The following CAGE1 variants were observed in gnomAD, a reference collection of about 807,000 sequenced individuals.
The protein encoded by CAGE1 is cancer antigen 1.
A neutral mutation model predicts 94.9 loss-of-function variants in CAGE1; 66 were observed. That is an observed-to-expected ratio of 0.70 (90% CI 0.57 to 0.85). CAGE1 has a LOEUF of 0.85. Ranked by LOEUF, CAGE1 falls within the 40% of genes least tolerant of loss-of-function variation. The probability of loss-of-function intolerance (pLI) is 0.00; values close to 1 mark genes in which losing one functional copy is unlikely to be tolerated. For synonymous variants in CAGE1, 319 were observed against 321.0 expected, an observed-to-expected ratio of 0.99 and a Z score of 0.07; for missense variants, 865 against 950.4, an observed-to-expected ratio of 0.91 and a Z score of 1.18.
At chr6:7,366,176 G>A (rs1397941584) in intron 7 of CAGE1, among the ~76,000 whole-genome samples, 1 of 151,342 alleles carries the variant, frequency 6.6e-6, no homozygotes, top group East Asian at 1.9e-4. Flanking sequence ...AACCTGGGAG[G>A]CGGAGGTTGC....
intron 11 of CAGE1, among the ~76,000 whole-genome samples, chr6:7,353,334 A>G (rs1337439778): frequency 4.6e-5 from 7 of 152,176 alleles, no homozygotes; most frequent in Admixed American, 6.5e-5. Context: ...CAAAACTACA[A>G]TGCGATACCA....
At position 7,379,789 on chromosome 6, in the gene CAGE1, A is replaced by C. The variant is rs1760871426; in HGVS notation, c.284-769T>G. On this transcript the variant is annotated intron_variant, in intron 3 of 13. Coordinates refer to ENST00000502583, the MANE Select transcript of CAGE1 (RefSeq NM_001170692.2). ...TCAACATAATCTTGCCAAAGAATAA[A>C]GTTCCCAGATTTCCTCATTTTGTGA... is the stretch of plus-strand genomic sequence containing the variant. 2.6e-5 allele frequency among the ~76,000 whole-genome samples: 4 copies of C among 152,204 alleles called. No homozygotes were observed. The South Asian group carries it at 8.3e-4, about 31-fold the overall frequency.
intron 11 of CAGE1, among the ~76,000 whole-genome samples, chr6:7,344,215 G>T (rs1759312306): frequency 6.6e-6 from 1 of 152,224 alleles, no homozygotes; most frequent in East Asian, 1.9e-4. Flanking sequence ...GGGAGGTGTA[G>T]AGGGAGAGGC....
Position 7,373,991 on chromosome 6 carries a change from C to G in CAGE1, c.828G>C (p.Arg276Ser). 2.5e-6 allele frequency: 4 copies of G among 1,614,056 alleles called. No individual in the cohort carries two copies. The highest frequency in any genetic ancestry group is 3.4e-6 in the Non-Finnish European group (4 of 1,179,894). The stretch of plus-strand genomic sequence containing the variant: ...CACAGTTCTCCCGACATGCTTCACT[C>G]CTCCAGGAAATGCCTGCCGAAGACC... ...STWSSAGISW[R>S]SEACRENCEM... The change falls in exon 5 of 14, where the codon AGG becomes AGC. Residue 276 changes from arginine to serine, a missense_variant. Arg to Ser is a moderately radical substitution (Grantham distance 110). Transcript: ENST00000502583.
At chr6:7,327,051 A>G (rs1258870155) in intron 13 of CAGE1, among the ~76,000 whole-genome samples, 152 bp from the exon 14 acceptor site, 3 of 152,034 alleles carry the variant, frequency 2.0e-5, no homozygotes, top group African/African-American at 7.2e-5. Flanking sequence ...TACCAACACT[A>G]TATTTTGTTT....
rs1430604843 is a variant in CAGE1, at chr6:7,362,743, A to G, written c.2193+2725T>C. ...ACATTCTGCACTACCAAAAAATAAA[A>G]ACAAAATCCTTTTTATCTTGAAAAT... On this transcript the variant is annotated intron_variant, in intron 9 of 13. Coordinates refer to ENST00000502583, the MANE Select transcript of CAGE1 (RefSeq NM_001170692.2). This position sits in a 1 kb window ranked among gnomAD's most constrained non-coding sequence, Gnocchi z 4.1. Among the ~76,000 whole-genome samples the G allele has an allele frequency of 6.6e-6, 1 of 152,190 alleles. No homozygotes were observed. Among genetic ancestry groups the G allele is most frequent in the Non-Finnish European group, 1.5e-5 (1 of 68,030 alleles).
chr6:7,386,884 T>C (rs1761140386), intron 2 of CAGE1, 95 bp downstream of exon 2: 2 of 862,758 alleles, frequency 2.3e-6, no homozygotes, highest in African/African-American at 3.4e-5. Context: ...AATATTGTTT[T>C]ATTGTTCCTT....
chr6:7,342,571 A>AATC (rs994173270), intron 11 of CAGE1, among the ~76,000 whole-genome samples: 11 of 152,120 alleles, frequency 7.2e-5, no homozygotes, highest in Non-Finnish European at 1.6e-4. Context: ...GTTTTCACTT[A>AATC]TCTTCTCTCC....
intron 11 of CAGE1, among the ~76,000 whole-genome samples, chr6:7,345,967 G>A (rs527742208): frequency 6.6e-6 from 1 of 152,108 alleles, no homozygotes; most frequent in East Asian, 1.9e-4. Flanking sequence ...TGCATTTGAA[G>A]AACAATACCT....
At chr6:7,355,922 T>G in intron 10 of CAGE1, 103 bp downstream of exon 10, 1 of 642,854 alleles carries the variant, frequency 1.6e-6, no homozygotes, top group Non-Finnish European at 2.7e-6. Flanking sequence ...GAGGCTTGCT[T>G]GAGCCCAGGG....
chr6:7,345,392 G>A (rs1759435335), intron 11 of CAGE1, among the ~76,000 whole-genome samples: 6 of 152,130 alleles, frequency 3.9e-5, no homozygotes, highest in Admixed American at 3.9e-4. Context: ...AACGCCAGAT[G>A]TGCCATCTTA....
chr6:7,344,612 C>G (rs1351087657), intron 11 of CAGE1, among the ~76,000 whole-genome samples: 4 of 152,260 alleles, frequency 2.6e-5, no homozygotes, highest in East Asian at 1.9e-4. Context: ...GCGTACGGCC[C>G]GAGACTGGAA....
intron 11 of CAGE1, among the ~76,000 whole-genome samples, chr6:7,337,327 A>G (rs1425012259): frequency 6.3e-5 from 4 of 63,166 alleles, no homozygotes; most frequent in Admixed American, 1.3e-4. Flanking sequence ...ACTGTCTCGA[A>G]AAAAAAAAAA....
chr6:7,369,823 C>T, intron 6 of CAGE1, 96 bp downstream of exon 6: 1 of 1,222,216 alleles, frequency 8.2e-7, no homozygotes, highest in Non-Finnish European at 1.1e-6. Flanking sequence ...TCATTTTCTT[C>T]TTCCACAACT....
intron 11 of CAGE1, among the ~76,000 whole-genome samples, chr6:7,345,064 T>G (rs564151218): frequency 3.0e-4 from 45 of 151,970 alleles, no homozygotes; most frequent in African/African-American, 1.1e-3. Context: ...TGGCTGGTGT[T>G]GAAAGCTTTG....
chr6:7,358,008 G>A (rs73365442), intron 9 of CAGE1, among the ~76,000 whole-genome samples: 1,624 of 127,592 alleles, frequency 0.013, 47 homozygotes, highest in African/African-American at 0.044. Context: ...TGGCCAGACT[G>A]CGGTTAGGTA....
chr6:7,341,503 T>C (rs1341271421), intron 11 of CAGE1: 1 of 1,221,214 alleles, frequency 8.2e-7, no homozygotes, highest in Non-Finnish European at 1.2e-6. Flanking sequence ...GTCTGAGGAG[T>C]AGATGTCACC....
chr6:7,342,920 TTA>T (rs1269665502), intron 11 of CAGE1, among the ~76,000 whole-genome samples: 4 of 152,174 alleles, frequency 2.6e-5, no homozygotes, highest in African/African-American at 7.2e-5. Context: ...TTTCCCCACT[TTA>T]TGTTTTTGTT....
intron 9 of CAGE1, among the ~76,000 whole-genome samples, chr6:7,360,072 A>G (rs1267103074): frequency 6.6e-6 from 1 of 152,158 alleles, no homozygotes; most frequent in Non-Finnish European, 1.5e-5. Context: ...CAGAGCCAGC[A>G]AGTGTCGTAG....
Sources: gnomAD v4.1 joint callset for allele counts (sites outside exome capture counted in the v4.1 genomes callset) on GRCh38, gnomAD v4.1.1 for gene constraint, Gnocchi (gnomAD v3.1) non-coding constraint, MANE v1.5 for transcripts, NCBI Gene and HGNC (gene_info 2026-07-23, HGNC 2026-07-21) for gene names.